CC2D1B: variants seen among roughly 807,000 people sequenced by gnomAD.
The protein encoded by CC2D1B is coiled-coil and C2 domain containing 1B.
A neutral mutation model predicts 110.8 loss-of-function variants in CC2D1B; 92 were observed. The ratio of observed to expected loss-of-function variants is 0.83; its 90% CI spans 0.70 to 0.99. CC2D1B has a LOEUF of 0.99. CC2D1B is among the 50% of genes least tolerant of loss of function. The pLI is 0.00. For missense variants in CC2D1B, 1,136 were observed against 1,089.0 expected, an observed-to-expected ratio of 1.04 and a Z score of -0.61; for synonymous variants, 406 against 429.2, an observed-to-expected ratio of 0.95 and a Z score of 0.67.
At chr1:52,355,353 C>A in intron 21 of CC2D1B, 45 bp downstream of exon 21, 1 of 1,601,804 alleles carries the variant, frequency 6.2e-7, no homozygotes, top group Non-Finnish European at 8.5e-7. Context: ...CAGTGCTGCC[C>A]ACACACTCTG....
At chr1:52,353,738 A>G in intron 23 of CC2D1B, 91 bp from the exon 24 acceptor site, 4 of 908,248 alleles carry the variant, frequency 4.4e-6, no homozygotes, top group Non-Finnish European at 3.4e-6. Flanking sequence ...AAGTGAGAGG[A>G]GCTAAGATGT....
intron 3 of CC2D1B, among the ~76,000 whole-genome samples, chr1:52,362,016 C>T (rs1339359709): frequency 2.6e-5 from 4 of 152,222 alleles, no homozygotes; most frequent in Non-Finnish European, 4.4e-5. Context: ...CATTAATTTT[C>T]CTATCACTGC....
chr1:52,360,314 C>G, intron 6 of CC2D1B, 81 bp from the exon 7 acceptor site: 1 of 1,596,176 alleles, frequency 6.3e-7, no homozygotes, highest in Non-Finnish European at 8.5e-7. Flanking sequence ...GGGTGGCCCC[C>G]CAACCCCCAA....
In CC2D1B at chr1:52,357,530, G is replaced by T. The variant is rs1646679983; in HGVS notation, c.1748C>A (p.Ser583Tyr). ...QARSGRPVDLSKVPSPLTDEE... is the reference protein window; with the variant it reads ...QARSGRPVDLYKVPSPLTDEE... ...GGTTAACCAGGTGGGACTCACCTTG[G>T]ACAGATCAACAGGTCTGCCAGATCG... The change falls in exon 15 of 25, where the codon TCC becomes TAC. Residue 583 changes from serine to tyrosine, a missense_variant. Coordinates refer to ENST00000284376, the MANE Select transcript of CC2D1B (RefSeq NM_001330585.2). 2 of 1,574,550 alleles carry T rather than the reference G, an allele frequency of 1.3e-6. No homozygotes were observed. The highest frequency in any genetic ancestry group is 1.8e-5 in the Admixed American group (1 of 54,756).
chr1:52,356,487 C>G (rs1177885011), intron 16 of CC2D1B, 45 bp from the exon 17 acceptor site: 17 of 1,608,370 alleles, frequency 1.1e-5, no homozygotes, highest in Non-Finnish European at 1.4e-5. Flanking sequence ...AGAGCAGGAC[C>G]TGCCTTGGTT....
chr1:52,356,116 G>A (rs1646645386), intron 18 of CC2D1B, 70 bp downstream of exon 18: 1 of 1,362,166 alleles, frequency 7.3e-7, no homozygotes, highest in African/African-American at 1.4e-5. Context: ...AGGGGTAGCA[G>A]TCTCTGGCCT....
At chr1:52,354,559 G>A (rs1378926961) in intron 23 of CC2D1B, 49 bp downstream of exon 23, 5 of 1,466,358 alleles carry the variant, frequency 3.4e-6, no homozygotes, top group Non-Finnish European at 3.8e-6. Context: ...AGTGCGTATT[G>A]GCTCTTGTCG....
intron 12 of CC2D1B, 86 bp from the exon 13 acceptor site, chr1:52,358,547 C>T (rs917529875): frequency 4.4e-6 from 7 of 1,600,962 alleles, no homozygotes; most frequent in Non-Finnish European, 6.0e-6. Flanking sequence ...GGGCATGGCT[C>T]TGCTGGGGCA....
intron 24 of CC2D1B, 69 bp downstream of exon 24, chr1:52,353,449 A>G (rs945457408): frequency 3.2e-6 from 5 of 1,545,600 alleles, no homozygotes; most frequent in African/African-American, 1.4e-5. Flanking sequence ...TTCTCTCCAG[A>G]TATGAGTTGA....
At chr1:52,355,252 C>T in intron 21 of CC2D1B, 146 bp downstream of exon 21, 4 of 850,518 alleles carry the variant, frequency 4.7e-6, no homozygotes, top group Non-Finnish European at 7.5e-6. Context: ...CGTGTTTCTC[C>T]AACTACAGAA....
At chr1:52,355,042 C>T in intron 21 of CC2D1B, 103 bp from the exon 22 acceptor site, 5 of 933,040 alleles carry the variant, frequency 5.4e-6, no homozygotes, top group Non-Finnish European at 8.6e-6. Flanking sequence ...ATCTCTCCAC[C>T]TGCATTTTGG....
Position 52,364,612 on chromosome 1 carries a change from T to C in CC2D1B, c.9A>G (p.Pro3=). 6.2e-7 allele frequency: 1 copy of C among 1,607,334 alleles called. No individual in the cohort carries two copies. Among genetic ancestry groups the C allele is most frequent in the Non-Finnish European group, 8.5e-7 (1 of 1,174,914 alleles). MM[P]GPRPRKGPQA... ...GAGGGCCCTTCCGAGGTCTTGGCCC[T>C]GGCATCATGGCAGCCTAGATACCTA... The change falls in exon 2 of 25, where the codon CCA becomes CCG. Residue 3 remains proline (P), a synonymous_variant. Transcript: ENST00000284376.
Position 52,354,954 on chromosome 1 carries a change from G to A in CC2D1B, c.2240-15C>T. 1 of 1,603,018 alleles carries A rather than the reference G, an allele frequency of 6.2e-7. No homozygotes were observed. Among genetic ancestry groups the A allele is most frequent in the Non-Finnish European group, 8.5e-7 (1 of 1,169,814 alleles). On this transcript the variant is annotated splice_polypyrimidine_tract_variant and intron_variant, in intron 21 of 24. Transcript: ENST00000284376. ...TTGATCAAATTCTGGCAAAGGGGGA[G>A]AAAGCAAGGAGGGGCTTGGCTCTCG...
intron 16 of CC2D1B, 199 bp from the exon 17 acceptor site, chr1:52,356,641 G>C: frequency 1.6e-6 from 1 of 629,482 alleles, no homozygotes; most frequent in Non-Finnish European, 2.7e-6. Context: ...CTTCTGAGGA[G>C]AGCCATTCCC....
intron 13 of CC2D1B, 98 bp from the exon 14 acceptor site, chr1:52,357,996 C>CG: frequency 6.8e-7 from 1 of 1,470,956 alleles, no homozygotes; most frequent in South Asian, 1.4e-5. Flanking sequence ...TGTACTACAT[C>CG]GCTGTGTGAC....
rs754760107 is a variant in CC2D1B, at chr1:52,355,458, T to C, written c.2188-9A>G. 3 of 1,613,768 alleles carry C rather than the reference T, an allele frequency of 1.9e-6. No individual in the cohort carries two copies. Among genetic ancestry groups the C allele is most frequent in the Non-Finnish European group, 1.7e-6 (2 of 1,179,936 alleles). ...CTTTTTTGAGCCTGGTCCTAAGCAG[T>C]GAGGAGGGAGAAGTCAGGACAGCGT... On this transcript the variant is annotated splice_polypyrimidine_tract_variant and intron_variant, in intron 20 of 24. Coordinates refer to ENST00000284376, the MANE Select transcript of CC2D1B (RefSeq NM_001330585.2).
intron 4 of CC2D1B, 124 bp downstream of exon 4, chr1:52,361,389 A>C: frequency 1.3e-6 from 2 of 1,512,766 alleles, no homozygotes; most frequent in East Asian, 4.5e-5. Context: ...TACAGCCAGG[A>C]GGGGCAAGCA....
Position 52,356,259 on chromosome 1 carries a change from G to C in CC2D1B, c.1981C>G (p.Leu661Val). 1 of 1,614,218 alleles carries C rather than the reference G, an allele frequency of 6.2e-7. No homozygotes were observed. Among genetic ancestry groups the C allele is most frequent in the Non-Finnish European group, 8.5e-7 (1 of 1,180,038 alleles). Residue 661 changes from leucine to valine, a missense_variant, in exon 18 of 25, where the codon CTG becomes GTG. Physicochemically the swap from Leu to Val is conservative, Grantham distance 32 (BLOSUM62 1). Transcript: ENST00000284376. ...AQDRKKQLEILQLAQAQGLDP... is the reference protein window; with the variant it reads ...AQDRKKQLEIVQLAQAQGLDP... Reference sequence around the variant, plus strand: ...AGGCCCTGAGCCTGGGCCAGCTGCAGGATCTCCAGCTGTTTCTTGCGGTCC... The same window carrying C: ...AGGCCCTGAGCCTGGGCCAGCTGCACGATCTCCAGCTGTTTCTTGCGGTCC...
intron 4 of CC2D1B, 81 bp downstream of exon 4, chr1:52,361,432 C>A: frequency 6.3e-7 from 1 of 1,591,920 alleles, no homozygotes; most frequent in East Asian, 2.2e-5. Flanking sequence ...AGGGGCACCC[C>A]CAGCCTCCTC....
Sources: gnomAD v4.1 joint callset for allele counts (sites outside exome capture counted in the v4.1 genomes callset) on GRCh38, gnomAD v4.1.1 for gene constraint, MANE v1.5 for transcripts, NCBI Gene and HGNC (gene_info 2026-07-23, HGNC 2026-07-21) for gene names.